DNAH11: variants seen among roughly 807,000 people sequenced by gnomAD.
DNAH11 encodes axonemal beta dynein heavy chain 11.
In DNAH11, 442 loss-of-function variants were observed where a neutral mutation model predicts 526.0. The observed-to-expected ratio is 0.84, with a 90% CI of 0.78 to 0.91. The LOEUF is 0.91. Ranked by LOEUF, DNAH11 falls within the 40% of genes least tolerant of loss-of-function variation. The pLI is 0.00. For synonymous variants in DNAH11, 2,461 were observed against 1,935.9 expected, an observed-to-expected ratio of 1.27 and a Z score of -7.12; for missense variants, 6,989 against 5,448.7, an observed-to-expected ratio of 1.28 and a Z score of -8.90.
chr7:21,646,403 T>G (rs1156281530), intron 28 of DNAH11, among the ~76,000 whole-genome samples: 1 of 152,130 alleles, frequency 6.6e-6, no homozygotes, highest in Non-Finnish European at 1.5e-5. Flanking sequence ...GAGGAACAAA[T>G]GGAGTGAGCA....
chr7:21,647,516 G>A (rs574481238), intron 28 of DNAH11, among the ~76,000 whole-genome samples: 167 of 143,734 alleles, frequency 1.2e-3, no homozygotes, highest in African/African-American at 3.8e-3. Context: ...TGCAGGCTCC[G>A]CCTCCCAGGT....
At chr7:21,790,675 A>G (rs755192232) in intron 61 of DNAH11, among the ~76,000 whole-genome samples, 2 of 152,176 alleles carry the variant, frequency 1.3e-5, no homozygotes, top group African/African-American at 4.8e-5. Flanking sequence ...AGGAACCACC[A>G]GGATAACTAG....
chr7:21,752,151 A>G (rs1024761494), intron 54 of DNAH11, among the ~76,000 whole-genome samples: 2 of 152,260 alleles, frequency 1.3e-5, no homozygotes, highest in Admixed American at 6.5e-5. Flanking sequence ...AGCCATTGTT[A>G]TAAATAGTGC....
At chr7:21,871,994 G>C (rs1006596727) in intron 73 of DNAH11, among the ~76,000 whole-genome samples, 5 of 151,284 alleles carry the variant, frequency 3.3e-5, no homozygotes, top group Non-Finnish European at 5.9e-5. Context: ...CGTGGTGGTG[G>C]GTGCCTGTAG....
chr7:21,850,363 AAAAAAAG>A (rs1301530908), intron 66 of DNAH11, among the ~76,000 whole-genome samples: 1 of 150,796 alleles, frequency 6.6e-6, no homozygotes, highest in African/African-American at 2.4e-5. Context: ...TCAAAAAAAA[AAAAAAAG>A]AAAAAGAAAA....
rs758419340 is a variant in DNAH11, at chr7:21,899,429, C to T, written c.13143C>T (p.Asn4381=). Residue 4381 remains asparagine (N), a synonymous_variant, in exon 80 of 82, where the codon AAC becomes AAT. Transcript: ENST00000409508. The part of the protein sequence containing the change: ...PAVVWLSGFF[N]PQSFLTAIMQ... ...TCGTGTGGCTCTCCGGCTTCTTCAA[C>T]CCTCAGTCCTTCTTAACTGGTAAGG... The T allele has an allele frequency of 3.3e-5, 53 of 1,613,544 alleles. 1 individual carries two copies. The South Asian group carries it at 4.5e-4, about 14-fold the overall frequency.
intron 18 of DNAH11, 102 bp downstream of exon 18, chr7:21,601,720 T>TACTGTAC: frequency 1.2e-6 from 1 of 822,398 alleles, no homozygotes; most frequent in Non-Finnish European, 1.7e-6. Context: ...TAACAATCTA[T>TACTGTAC]ACTGTACACA....
chr7:21,783,756 A>G (rs1299222867), intron 57 of DNAH11, among the ~76,000 whole-genome samples: 1 of 152,022 alleles, frequency 6.6e-6, no homozygotes, highest in East Asian at 1.9e-4. Context: ...TCTTGGGAAG[A>G]GGTGCCACTG....
At chr7:21,857,488 G>T (rs1301087940) in intron 68 of DNAH11, among the ~76,000 whole-genome samples, 3 of 151,642 alleles carry the variant, frequency 2.0e-5, no homozygotes, top group Non-Finnish European at 4.4e-5. Context: ...CTGAAAATTT[G>T]TGTGAAAATT....
Position 21,690,852 on chromosome 7 carries a change from A to G in DNAH11, c.6012A>G (p.Glu2004=). The change falls in exon 35 of 82, where the codon GAA becomes GAG. Residue 2004 remains glutamate, a synonymous_variant. Coordinates refer to ENST00000409508, the MANE Select transcript of DNAH11 (RefSeq NM_001277115.2). ...ACCCGGGTTATGCTGGTCGAACCGA[A>G]TTACCGGAAAATCTCAAAGCTCTTT... The part of the protein sequence containing the change: ...TMNPGYAGRT[E]LPENLKALFR... The G allele has an allele frequency of 6.2e-7, 1 of 1,612,862 alleles. No homozygotes were observed. Among genetic ancestry groups the G allele is most frequent in the Non-Finnish European group, 8.5e-7 (1 of 1,179,466 alleles).
In DNAH11 at chr7:21,619,178, C is replaced by T. The variant is rs72657316; in HGVS notation, c.4333C>T (p.Arg1445Ter). The T allele has an allele frequency of 9.6e-5, 155 of 1,613,138 alleles. No individual in the cohort carries two copies. The highest frequency in any genetic ancestry group is 1.6e-4 in the Middle Eastern group (1 of 6,082). ...LRLHRVEDDV[R>*]RIVDKAVKEL... is the part of the protein sequence containing the mutation. ...GTTACACAGAGTGGAAGATGATGTC[C>T]GAAGGATTGTGGACAAGGCGGTGAA... Residue 1445 changes from arginine to a stop codon, truncating the protein, a stop_gained, in exon 24 of 82, where the codon CGA becomes TGA. Coordinates refer to ENST00000409508, the MANE Select transcript of DNAH11 (RefSeq NM_001277115.2). LOFTEE classifies it high-confidence loss of function.
intron 2 of DNAH11, among the ~76,000 whole-genome samples, chr7:21,552,437 T>A (rs1783057711): frequency 6.6e-6 from 1 of 152,234 alleles, no homozygotes. Context: ...TATTCTTCGC[T>A]TCCCTTTACT....
rs147391415 is a variant in DNAH11 at position 21,760,296 on chromosome 7, A to C, written c.8941-5132A>C. On this transcript the variant is annotated intron_variant, in intron 54 of 81. Transcript: ENST00000409508. Reference sequence around the variant, plus strand: ...TACAGAGAGTTGATTGGTGATAATAAGGAGACGCACACACCAAGCCTTACA... The same window carrying C: ...TACAGAGAGTTGATTGGTGATAATACGGAGACGCACACACCAAGCCTTACA... 8.6e-3 allele frequency among the ~76,000 whole-genome samples: 1,311 copies of C among 152,270 alleles called. 4 individuals are homozygous for C. The highest frequency in any genetic ancestry group is 0.014 in the Non-Finnish European group (950 of 68,016).
Position 21,739,507 on chromosome 7 carries a change from G to C in DNAH11, c.7812-64G>C, listed in dbSNP as rs1455722767. Reference sequence around the variant, plus strand: ...TCTGCGATGAAGACCTTTATGAACTGTTAGATTTTGCTCTTTTGTCATCTC... The same window carrying C: ...TCTGCGATGAAGACCTTTATGAACTCTTAGATTTTGCTCTTTTGTCATCTC... On this transcript the variant is annotated intron_variant, in intron 47 of 81. Coordinates refer to ENST00000409508, the MANE Select transcript of DNAH11 (RefSeq NM_001277115.2). 45 of 1,252,036 alleles carry C rather than the reference G, an allele frequency of 3.6e-5. 1 individual carries two copies. In the South Asian group the frequency reaches 5.9e-4, roughly 16 times the overall value. The allele number at this position is 1,252,036 out of a possible 1,614,324, so 77.6% of individuals were successfully genotyped here. A position where few individuals can be genotyped will look rare whatever the true frequency, so the allele number is the denominator to read the frequency against.
At chr7:21,796,073 A>G (rs1320841554) in intron 61 of DNAH11, among the ~76,000 whole-genome samples, 1 of 152,166 alleles carries the variant, frequency 6.6e-6, no homozygotes, top group African/African-American at 2.4e-5. Flanking sequence ...TCACACGGGA[A>G]ATTGCAAGGT....
intron 61 of DNAH11, among the ~76,000 whole-genome samples, chr7:21,792,397 T>C (rs1788513950): frequency 6.6e-6 from 1 of 152,228 alleles, no homozygotes; most frequent in Non-Finnish European, 1.5e-5. Context: ...CTAGTTTTTG[T>C]GTCAGGTAAT....
Position 21,739,684 on chromosome 7 carries a change from G to C in DNAH11, c.7914+11G>C. 1 of 1,596,022 alleles carries C rather than the reference G, an allele frequency of 6.3e-7. No individual in the cohort carries two copies. On this transcript the variant is annotated intron_variant, in intron 48 of 81. Coordinates refer to ENST00000409508, the MANE Select transcript of DNAH11 (RefSeq NM_001277115.2). ...AATCCCAGGCTACAGGTAGGGTGTTGAATACTGCTCTCAAAAACTGTAGGT... is the reference window on the plus strand; with the variant it reads ...AATCCCAGGCTACAGGTAGGGTGTTCAATACTGCTCTCAAAAACTGTAGGT...
At chr7:21,590,383 T>C (rs1465842881) in intron 12 of DNAH11, among the ~76,000 whole-genome samples, 2 of 152,212 alleles carry the variant, frequency 1.3e-5, no homozygotes, top group Non-Finnish European at 2.9e-5. Context: ...CTATTTGTAA[T>C]TTCCATGACA....
In DNAH11 at chr7:21,600,936, G is replaced by A. The variant is rs911332571; in HGVS notation, c.3255+6G>A. On this transcript the variant is annotated splice_donor_region_variant and intron_variant, in intron 16 of 81. Transcript: ENST00000409508. The stretch of plus-strand genomic sequence containing the variant: ...TTGAGCAATTCAAAGAACAGGCAAG[G>A]AAAACCCTTAGCATTTAATGTAGTG... 2 of 1,613,256 alleles carry A rather than the reference G, an allele frequency of 1.2e-6. No individual in the cohort carries two copies. Among genetic ancestry groups the A allele is most frequent in the Admixed American group, 3.3e-5 (2 of 59,858 alleles).
Sources: gnomAD v4.1 joint callset for allele counts (sites outside exome capture counted in the v4.1 genomes callset) on GRCh38, gnomAD v4.1.1 for gene constraint, MANE v1.5 for transcripts, NCBI Gene and HGNC (gene_info 2026-07-23, HGNC 2026-07-21) for gene names.